Variants in ANKFN1 observed in about 807,000 individuals in gnomAD.
ANKFN1 encodes ankyrin repeat and fibronectin type III domain containing 1, also known as ankyrin repeat and fibronectin type-III domain-containing protein 1.
In ANKFN1, 74 loss-of-function variants were observed where a neutral mutation model predicts 108.7. The ratio of observed to expected loss-of-function variants is 0.68; its 90% CI spans 0.56 to 0.83. The LOEUF (loss-of-function observed/expected upper bound fraction) is 0.83. Ranked by LOEUF, ANKFN1 falls within the 40% of genes least tolerant of loss-of-function variation. ANKFN1 has a pLI of 0.00. For missense variants in ANKFN1, 1,505 were observed against 1,382.3 expected (o/e 1.09, Z -1.41); for synonymous variants, 547 against 516.2 (o/e 1.06, Z -0.81).
In ANKFN1 at chr17:56,277,777, T is replaced by C. The variant is rs184771972; in HGVS notation, c.54-48444T>C. Among the ~76,000 whole-genome samples the C allele has an allele frequency of 4.6e-5, 7 of 152,298 alleles. No individual in the cohort carries two copies. In the East Asian group the frequency reaches 1.3e-3, roughly 29 times the overall value. Reference sequence around the variant, plus strand: ...AAATCATATTTTTAGCCCCAAATTGTACACTCAAAGAGAGATTTTATCAAA... The same window carrying C: ...AAATCATATTTTTAGCCCCAAATTGCACACTCAAAGAGAGATTTTATCAAA... On this transcript the variant is annotated intron_variant, in intron 3 of 20. Coordinates refer to ENST00000682825, the MANE Select transcript of ANKFN1 (RefSeq NM_001370326.1).
intron 1 of ANKFN1, among the ~76,000 whole-genome samples, chr17:56,154,642 C>CA (rs60522690): frequency 0.33 from 44,026 of 133,972 alleles, 7,926 homozygotes; most frequent in East Asian, 0.54. Flanking sequence ...ATGCCAACAC[C>CA]AAAAAAAAAA....
intron 4 of ANKFN1, among the ~76,000 whole-genome samples, chr17:56,053,545 A>G (rs1904814978): frequency 6.6e-6 from 1 of 152,148 alleles, no homozygotes; most frequent in Admixed American, 6.5e-5. Context: ...TTTCTTTCCC[A>G]TTCATCTATT....
intron 4 of ANKFN1, among the ~76,000 whole-genome samples, chr17:56,340,657 T>C (rs1235564731): frequency 6.6e-6 from 1 of 152,100 alleles, no homozygotes; most frequent in Admixed American, 6.6e-5. Context: ...TTTCCATTGG[T>C]CTATGTCTCT....
chr17:56,490,431 T>C (rs1285021842), intron 18 of ANKFN1, among the ~76,000 whole-genome samples: 1 of 152,118 alleles, frequency 6.6e-6, no homozygotes, highest in Non-Finnish European at 1.5e-5. Flanking sequence ...AAAGGACTCA[T>C]AATAAGTTCA....
At position 56,510,950 on chromosome 17, in the gene ANKFN1, C is replaced by A. The variant is rs932462081; in HGVS notation, c.3122C>A (p.Ala1041Asp). Residue 1041 changes from alanine to aspartate, a missense_variant, in exon 21 of 21, where the codon GCC becomes GAC. Physicochemically the swap from Ala to Asp is moderately radical, Grantham distance 126 (BLOSUM62 -2). Transcript: ENST00000682825. ...EGIYTQHLSQACGLAQEPKEA... is the reference protein window; with the variant it reads ...EGIYTQHLSQDCGLAQEPKEA... ...ATTTATACACAGCACCTGTCCCAGG[C>A]CTGTGGTCTGGCCCAGGAGCCCAAG... 1 of 1,536,172 alleles carries A rather than the reference C, an allele frequency of 6.5e-7. No homozygotes were observed.
chr17:56,197,380 G>T (rs1426321600), intron 1 of ANKFN1, among the ~76,000 whole-genome samples: 1 of 152,202 alleles, frequency 6.6e-6, no homozygotes, highest in Non-Finnish European at 1.5e-5. Context: ...GAGTTTAAAA[G>T]ACCTGAATTG....
intron 8 of ANKFN1, among the ~76,000 whole-genome samples, chr17:56,430,305 CT>C (rs752103338): frequency 3.9e-5 from 6 of 151,930 alleles, no homozygotes; most frequent in Non-Finnish European, 7.4e-5. Context: ...TATGTGGAAT[CT>C]TTAATTTTTT....
At chr17:56,295,233 T>C (rs182324757) in intron 3 of ANKFN1, among the ~76,000 whole-genome samples, 111 of 152,344 alleles carry the variant, frequency 7.3e-4, no homozygotes, top group African/African-American at 2.6e-3. Flanking sequence ...ACGGTCATCC[T>C]TTCTAGTTGT....
rs1313211812 is a variant in ANKFN1 at position 56,480,684 on chromosome 17, A to T, written c.1957A>T (p.Ile653Phe). 7.4e-6 allele frequency: 12 copies of T among 1,613,736 alleles called. No homozygotes were observed. The East Asian group carries it at 2.7e-4, about 36-fold the overall frequency. ...AACATACAGAGAGGAATGGGAATGG[A>T]TCCAAAAGCTTTCTGGCTCTGAATC... ...NNISREEWEW[I>F]QKLSGSESME... Residue 653 changes from isoleucine (I) to phenylalanine (F), a missense_variant, in exon 17 of 21, where the codon ATC (isoleucine) becomes TTC (phenylalanine). Ile to Phe is a conservative substitution (Grantham distance 21). Transcript: ENST00000682825.
At chr17:56,169,431 A>G (rs1910450104) in intron 1 of ANKFN1, among the ~76,000 whole-genome samples, 1 of 152,100 alleles carries the variant, frequency 6.6e-6, no homozygotes, top group African/African-American at 2.4e-5. Flanking sequence ...CGCCACATCC[A>G]GCTAATTTTT....
chr17:56,380,657 C>G (rs1424165430), intron 8 of ANKFN1, among the ~76,000 whole-genome samples: 1 of 152,254 alleles, frequency 6.6e-6, no homozygotes, highest in Non-Finnish European at 1.5e-5. Context: ...TCAGAGGGTC[C>G]TACGCCCACG....
At chr17:56,212,875 T>G (rs1026834841) in intron 2 of ANKFN1, among the ~76,000 whole-genome samples, 196 bp downstream of exon 2, 2 of 152,186 alleles carry the variant, frequency 1.3e-5, no homozygotes, top group Admixed American at 1.3e-4. Context: ...TAACACAACG[T>G]TGGTCTCAGC....
intron 4 of ANKFN1, among the ~76,000 whole-genome samples, chr17:56,338,002 A>G (rs1434301854): frequency 6.6e-6 from 1 of 152,118 alleles, no homozygotes; most frequent in Admixed American, 6.6e-5. Flanking sequence ...GCACGTGCAC[A>G]CGTATGCTTA....
intron 8 of ANKFN1, among the ~76,000 whole-genome samples, chr17:56,410,922 A>G (rs542405368): frequency 4.9e-4 from 75 of 152,302 alleles, no homozygotes; most frequent in African/African-American, 1.8e-3. Context: ...TTTGATTACA[A>G]TAGCTTTATA....
chr17:56,127,266 G>C (rs1002567127), intron 4 of ANKFN1, among the ~76,000 whole-genome samples: 2 of 152,076 alleles, frequency 1.3e-5, no homozygotes, highest in African/African-American at 4.8e-5. Context: ...GGCGGGATTT[G>C]AACCTAGGTC....
chr17:56,154,208 A>G (rs1908869059), intron 1 of ANKFN1, among the ~76,000 whole-genome samples: 1 of 152,140 alleles, frequency 6.6e-6, no homozygotes, highest in Non-Finnish European at 1.5e-5. Flanking sequence ...AATGCCTGTT[A>G]TTGACTTGGT....
chr17:56,506,725 C>A (rs889896565), intron 20 of ANKFN1, among the ~76,000 whole-genome samples: 3 of 151,574 alleles, frequency 2.0e-5, no homozygotes, highest in Non-Finnish European at 4.4e-5. Context: ...CTGTGTACCA[C>A]AAAAAGTGAA....
chr17:56,126,393 C>A (rs1906934704), intron 4 of ANKFN1, among the ~76,000 whole-genome samples: 1 of 152,142 alleles, frequency 6.6e-6, no homozygotes, highest in South Asian at 2.1e-4. Flanking sequence ...GCTTTTCTCC[C>A]CCTTCTTGAC....
intron 4 of ANKFN1, among the ~76,000 whole-genome samples, chr17:56,078,512 C>T (rs1218957482): frequency 6.6e-6 from 1 of 152,124 alleles, no homozygotes; most frequent in Admixed American, 6.6e-5. Context: ...ATAGTCTTTG[C>T]GTATATTGTG....
Sources: gnomAD v4.1 joint callset for allele counts (sites outside exome capture counted in the v4.1 genomes callset) on GRCh38, gnomAD v4.1.1 for gene constraint, MANE v1.5 for transcripts, NCBI Gene and HGNC (gene_info 2026-07-23, HGNC 2026-07-21) for gene names.